DCLK1: variants seen among roughly 807,000 people sequenced by gnomAD.
The protein encoded by DCLK1 is doublecortin like kinase 1, also known as serine/threonine-protein kinase DCLK1.
In DCLK1, 16 loss-of-function variants were observed where a neutral mutation model predicts 86.2. The observed-to-expected ratio is 0.19, with a 90% confidence interval of 0.13 to 0.28. The LOEUF (loss-of-function observed/expected upper bound fraction) is 0.28, where lower values mean the gene tolerates loss of function less well. Among genes scored for constraint, DCLK1 ranks in the 10% least tolerant of loss-of-function variants. The pLI, the probability that DCLK1 is intolerant of heterozygous loss-of-function variation, is 1.00. For missense variants in DCLK1, 590 were observed against 940.2 expected, an observed-to-expected ratio of 0.63 and a Z score of 4.87; for synonymous variants, 369 against 370.5, an observed-to-expected ratio of 1.00 and a Z score of 0.05.
rs182833223 is a variant in DCLK1, at chr13:35,865,815, T to A, written c.940+5409A>T. Among the ~76,000 whole-genome samples the A allele has an allele frequency of 4.6e-5, 7 of 152,332 alleles. No homozygotes were observed. The East Asian group carries it at 1.3e-3, about 29-fold the overall frequency. On this transcript the variant is annotated intron_variant, in intron 5 of 16. Coordinates refer to ENST00000360631, the MANE Select transcript of DCLK1 (RefSeq NM_001330071.2). ...CAGAGGATTCCCATTCTTGTTCTAA[T>A]GCTGACTTACAAGGGAGGTTTCTGT...
At chr13:35,908,870 A>C (rs908110319) in intron 4 of DCLK1, among the ~76,000 whole-genome samples, 1 of 152,134 alleles carries the variant, frequency 6.6e-6, no homozygotes, top group Non-Finnish European at 1.5e-5. Context: ...TCCTGACCTC[A>C]AGTGATCCAC....
intron 3 of DCLK1, among the ~76,000 whole-genome samples, chr13:35,982,037 A>T (rs137928249): frequency 1.1e-4 from 16 of 152,256 alleles, no homozygotes; most frequent in African/African-American, 3.6e-4. Context: ...ACTCTTCCCA[A>T]GGCTGAAATT....
intron 3 of DCLK1, among the ~76,000 whole-genome samples, chr13:35,952,730 G>A (rs1593762560): frequency 6.6e-6 from 1 of 152,226 alleles, no homozygotes; most frequent in East Asian, 1.9e-4. Flanking sequence ...TTTACTTAGT[G>A]CTTTGGTTAT....
chr13:36,055,388 G>A (rs777932366), intron 3 of DCLK1, among the ~76,000 whole-genome samples: 9 of 152,126 alleles, frequency 5.9e-5, no homozygotes, highest in Admixed American at 3.3e-4. Flanking sequence ...TTAAAACACC[G>A]GCAAGAGAAA....
chr13:36,056,594 T>C (rs1435542805), intron 3 of DCLK1, among the ~76,000 whole-genome samples: 1 of 124,418 alleles, frequency 8.0e-6, no homozygotes, highest in Non-Finnish European at 1.6e-5. Flanking sequence ...TGTGCACATG[T>C]ACCCTAAAAC....
chr13:35,851,994 T>C (rs1211237643), intron 6 of DCLK1, among the ~76,000 whole-genome samples: 2 of 99,892 alleles, frequency 2.0e-5, no homozygotes. Flanking sequence ...CATGTGTGTG[T>C]ATGTGTGTGT....
Position 35,808,198 on chromosome 13 carries a change from G to A in DCLK1, c.1863+26C>T, listed in dbSNP as rs941915628. On this transcript the variant is annotated intron_variant, in intron 14 of 16. Transcript: ENST00000360631. The stretch of plus-strand genomic sequence containing the variant: ...TTCCGTTAAGACACACAGAATATAG[G>A]GAAGAGGAAGGCACTGGACACCTAC... 5 of 1,591,042 alleles carry A rather than the reference G, an allele frequency of 3.1e-6. No individual in the cohort carries two copies. The Admixed American group carries it at 5.0e-5, about 16-fold the overall frequency.
chr13:35,988,485 G>A (rs1342524965), intron 3 of DCLK1, among the ~76,000 whole-genome samples: 1 of 152,164 alleles, frequency 6.6e-6, no homozygotes, highest in Non-Finnish European at 1.5e-5. Context: ...ATAGTGTTGG[G>A]GGAGGGAAAA....
chr13:35,973,450 A>T lies in DCLK1; in HGVS notation c.724-25993T>A, dbSNP rs535871265. 2.0e-5 allele frequency among the ~76,000 whole-genome samples: 3 copies of T among 152,254 alleles called. No homozygotes were observed. The South Asian group carries it at 6.2e-4, about 32-fold the overall frequency. ...TCGGTCTATGCCTTGATTGGGCCAG[A>T]TGTGCCTAAGTCCTCCTATAGGGCC... On this transcript the variant is annotated intron_variant, in intron 3 of 16. Transcript: ENST00000360631.
At chr13:35,899,363 G>GTA (rs1874204575) in intron 4 of DCLK1, among the ~76,000 whole-genome samples, 1 of 89,662 alleles carries the variant, frequency 1.1e-5, no homozygotes, top group African/African-American at 4.0e-5. Flanking sequence ...GTGTGTGTGT[G>GTA]TGTGTGAGAG....
intron 4 of DCLK1, among the ~76,000 whole-genome samples, chr13:35,902,870 A>T (rs964678307): frequency 6.6e-6 from 1 of 152,204 alleles, no homozygotes; most frequent in African/African-American, 2.4e-5. Flanking sequence ...TGAAATAAGG[A>T]GGTCTCAAAG....
intron 3 of DCLK1, among the ~76,000 whole-genome samples, chr13:36,014,624 G>C (rs1881455449): frequency 6.6e-6 from 1 of 151,966 alleles, no homozygotes; most frequent in South Asian, 2.1e-4. Context: ...GGAGTTGCTG[G>C]GAAAAATAAC....
At chr13:35,929,612 G>T (rs1295505708) in intron 4 of DCLK1, among the ~76,000 whole-genome samples, 1 of 152,282 alleles carries the variant, frequency 6.6e-6, no homozygotes, top group Non-Finnish European at 1.5e-5. Context: ...GCAAAGATTT[G>T]CCTTTCCTCA....
chr13:36,004,732 T>C (rs1042717811), intron 3 of DCLK1, among the ~76,000 whole-genome samples: 1 of 152,124 alleles, frequency 6.6e-6, no homozygotes, highest in African/African-American at 2.4e-5. Flanking sequence ...CACACCACCA[T>C]GCCCAGATAA....
intron 15 of DCLK1, among the ~76,000 whole-genome samples, chr13:35,797,495 C>T (rs1396679778): frequency 1.3e-5 from 2 of 152,140 alleles, no homozygotes; most frequent in South Asian, 2.1e-4. Flanking sequence ...GCTTTAAATT[C>T]CAGTGAAGGT....
At chr13:35,918,658 A>G (rs1026991584) in intron 4 of DCLK1, among the ~76,000 whole-genome samples, 11 of 152,158 alleles carry the variant, frequency 7.2e-5, no homozygotes, top group African/African-American at 2.4e-4. Flanking sequence ...CTGAAGACAG[A>G]GCAGTGAACC....
chr13:36,122,154 A>G (rs1391049286), intron 2 of DCLK1, among the ~76,000 whole-genome samples: 1 of 152,174 alleles, frequency 6.6e-6, no homozygotes, highest in African/African-American at 2.4e-5. Context: ...AAAGATGGGT[A>G]ACCCAGAGGC....
At chr13:35,893,241 T>C (rs1421544659) in intron 4 of DCLK1, among the ~76,000 whole-genome samples, 2 of 152,186 alleles carry the variant, frequency 1.3e-5, no homozygotes, top group East Asian at 1.9e-4. Flanking sequence ...CCAGAAAGAT[T>C]TGAAATATTC....
Position 35,907,088 on chromosome 13 carries a change from A to G in DCLK1, c.824-35748T>C, listed in dbSNP as rs576604570. Among the ~76,000 whole-genome samples the G allele has an allele frequency of 1.8e-3, 277 of 152,284 alleles. 2 individuals are homozygous for G. The highest frequency in any genetic ancestry group is 3.5e-3 in the Non-Finnish European group (241 of 68,016). ...CCATCACTGACACCCACTAATCAGAACTTGCCAGCTCCCAGAAGTTTCTCT... is the reference window on the plus strand; with the variant it reads ...CCATCACTGACACCCACTAATCAGAGCTTGCCAGCTCCCAGAAGTTTCTCT... On this transcript the variant is annotated intron_variant, in intron 4 of 16. Transcript: ENST00000360631.
Sources: gnomAD v4.1 joint callset for allele counts (sites outside exome capture counted in the v4.1 genomes callset) on GRCh38, gnomAD v4.1.1 for gene constraint, MANE v1.5 for transcripts, NCBI Gene and HGNC (gene_info 2026-07-23, HGNC 2026-07-21) for gene names.